TRPM7: variants seen among roughly 807,000 people sequenced by gnomAD.
TRPM7 encodes the protein LTRPC ion channel family member 7.
A neutral mutation model predicts 229.7 loss-of-function variants in TRPM7; 134 were observed. The observed-to-expected ratio is 0.58, with a 90% CI of 0.51 to 0.67. TRPM7 has a LOEUF of 0.67. Among genes scored for constraint, TRPM7 ranks in the 30% least tolerant of loss-of-function variants. The probability of loss-of-function intolerance (pLI) is 0.00; values close to 1 mark genes in which losing one functional copy is unlikely to be tolerated. For missense variants in TRPM7, 1,901 were observed against 2,210.0 expected, an observed-to-expected ratio of 0.86 and a Z score of 2.80; for synonymous variants, 699 against 715.2, an observed-to-expected ratio of 0.98 and a Z score of 0.36.
intron 21 of TRPM7, among the ~76,000 whole-genome samples, chr15:50,602,982 G>A (rs1029078022): frequency 6.6e-6 from 1 of 152,178 alleles, no homozygotes; most frequent in Non-Finnish European, 1.5e-5. Flanking sequence ...AACCTGGTAA[G>A]CATAAGAGCT....
At position 50,604,800 on chromosome 15, in the gene TRPM7, A is replaced by G; in HGVS notation, c.2988+66T>C. On this transcript the variant is annotated intron_variant, in intron 21 of 38. Transcript: ENST00000646667. ...CTGGCTCAAATAAAACTATGTTAAT[A>G]ACATTTTTGTGATTTTTTAAAAAAT... 4 of 1,427,698 alleles carry G rather than the reference A, an allele frequency of 2.8e-6. No individual in the cohort carries two copies. The South Asian group carries it at 4.4e-5, about 16-fold the overall frequency. The allele number at this position is 1,427,698 out of a possible 1,614,324, so 88.4% of individuals were successfully genotyped here.
At chr15:50,610,123 T>C (rs192143680) in intron 17 of TRPM7, among the ~76,000 whole-genome samples, 162 bp from the exon 18 acceptor site, 2 of 152,260 alleles carry the variant, frequency 1.3e-5, no homozygotes, top group East Asian at 1.9e-4. Context: ...ATTGATTTTT[T>C]ACTTATATAT....
At chr15:50,638,382 A>G (rs373748436) in intron 6 of TRPM7, among the ~76,000 whole-genome samples, 13,240 of 127,334 alleles carry the variant, frequency 0.1, 1,252 homozygotes, top group Admixed American at 0.19. Context: ...AAAAAAAAAA[A>G]AAAAAAAAAA....
chr15:50,578,614 C>T (rs117232184), intron 31 of TRPM7, 25 bp downstream of exon 31: 98 of 1,603,922 alleles, frequency 6.1e-5, no homozygotes, highest in Non-Finnish European at 7.8e-5. Flanking sequence ...ATTTTTTTCA[C>T]GTTCAATCTA....
intron 2 of TRPM7, among the ~76,000 whole-genome samples, chr15:50,658,076 C>A (rs1037111415): frequency 4.0e-5 from 6 of 150,592 alleles, no homozygotes; most frequent in Non-Finnish European, 8.8e-5. Context: ...GCAATCTCAG[C>A]TCACTGCAAG....
chr15:50,636,103 T>A (rs552684032), intron 7 of TRPM7, among the ~76,000 whole-genome samples: 1 of 150,804 alleles, frequency 6.6e-6, no homozygotes, highest in Admixed American at 6.6e-5. Context: ...GTGAAGAATA[T>A]GAATTTTTGC....
chr15:50,641,275 T>C (rs1478721495), intron 5 of TRPM7, among the ~76,000 whole-genome samples: 1 of 152,214 alleles, frequency 6.6e-6, no homozygotes, highest in Non-Finnish European at 1.5e-5. Flanking sequence ...CTAGTCACCA[T>C]GCTTCTCTAC....
At position 50,589,635 on chromosome 15, in the gene TRPM7, A is replaced by C; in HGVS notation, c.4346T>G (p.Leu1449Ter). ...AFVGHRDSMD[L>*]QRFKETSNKI... ...GTTTGATGTTTCTTTAAACCTCTGT[A>C]AATCCATGCTATCTCTGTGTCCTTT... Residue 1449 changes from leucine (L) to a stop codon, truncating the protein, a stop_gained, in exon 27 of 39, where the codon TTA becomes TGA. Transcript: ENST00000646667. LOFTEE classifies it high-confidence loss of function. 5 of 1,596,658 alleles carry C rather than the reference A, an allele frequency of 3.1e-6. No individual in the cohort carries two copies. Among genetic ancestry groups the C allele is most frequent in the Non-Finnish European group, 4.3e-6 (5 of 1,169,632 alleles).
At chr15:50,674,924 C>A (rs1160962580) in intron 1 of TRPM7, among the ~76,000 whole-genome samples, 4 of 152,158 alleles carry the variant, frequency 2.6e-5, no homozygotes, top group African/African-American at 9.7e-5. Context: ...TTCTCATTGG[C>A]AAATCCACCC....
chr15:50,574,566 A>T lies in TRPM7; in HGVS notation c.5102+71T>A, dbSNP rs2054045382. ...CAAAATGGATAATTAAATATTCAAC[A>T]TCAAAAATGAAGGTCAAAAGGGACT... is the stretch of plus-strand genomic sequence containing the variant. On this transcript the variant is annotated intron_variant, in intron 35 of 38. Transcript: ENST00000646667. The T allele has an allele frequency of 1.0e-5, 16 of 1,550,850 alleles. No homozygotes were observed. In the South Asian group the frequency reaches 1.9e-4, roughly 18 times the overall value.
intron 13 of TRPM7, among the ~76,000 whole-genome samples, chr15:50,617,011 C>G (rs1386827296): frequency 6.6e-6 from 1 of 151,990 alleles, no homozygotes; most frequent in Non-Finnish European, 1.5e-5. Context: ...CACATGCAGG[C>G]TGGGCGTAAT....
intron 13 of TRPM7, among the ~76,000 whole-genome samples, chr15:50,616,087 ATTAT>A (rs1477672835): frequency 3.9e-5 from 6 of 152,186 alleles, no homozygotes; most frequent in African/African-American, 1.4e-4. Flanking sequence ...ATTCTTCAAT[ATTAT>A]TTATTAAAAA....
intron 11 of TRPM7, among the ~76,000 whole-genome samples, chr15:50,625,133 T>C (rs748656061): frequency 8.5e-5 from 13 of 152,224 alleles, no homozygotes; most frequent in Non-Finnish European, 1.3e-4. Context: ...CACTGAGTTT[T>C]ATTAATAAAG....
At chr15:50,686,474 C>T in intron 1 of TRPM7, 57 bp downstream of exon 1, 1 of 1,614,148 alleles carries the variant, frequency 6.2e-7, no homozygotes, top group South Asian at 1.1e-5. Flanking sequence ...CAAGTCTCTC[C>T]TTTACCGCCC....
chr15:50,608,479 T>G (rs1002702956), intron 19 of TRPM7, among the ~76,000 whole-genome samples: 1 of 152,174 alleles, frequency 6.6e-6, no homozygotes, highest in Admixed American at 6.5e-5. Flanking sequence ...AAAGAGAAAT[T>G]CCTGTAGTCA....
chr15:50,560,048 T>C lies in TRPM7; in HGVS notation c.*1630A>G, dbSNP rs907214514. The stretch of plus-strand genomic sequence containing the variant: ...AAAAAAAAAAAAGTATAGCTACTAT[T>C]ATAATCCTGTGAAAATAATCAATAT... On this transcript the variant is annotated 3_prime_UTR_variant, in exon 39 of 39. Coordinates refer to ENST00000646667, the MANE Select transcript of TRPM7 (RefSeq NM_017672.6). 3 of 149,968 alleles carry C rather than the reference T, an allele frequency of 2.0e-5. No individual in the cohort carries two copies. The highest frequency in any genetic ancestry group is 2.0e-4 in the Admixed American group (3 of 15,050). 9.3% of individuals were successfully genotyped at this position (149,968 alleles called of 1,614,324 possible).
At chr15:50,585,860 A>ATTT (rs2059327828) in intron 28 of TRPM7, among the ~76,000 whole-genome samples, 1 of 152,236 alleles carries the variant, frequency 6.6e-6, no homozygotes, top group Admixed American at 6.5e-5. Flanking sequence ...AATTAATGGT[A>ATTT]CAAGGCAACA....
chr15:50,598,584 A>C (rs1419996279), intron 22 of TRPM7, among the ~76,000 whole-genome samples: 1 of 152,204 alleles, frequency 6.6e-6, no homozygotes, highest in African/African-American at 2.4e-5. Context: ...AATCATGGTA[A>C]TCCCATCCCC....
chr15:50,686,606 C>A lies in TRPM7; in HGVS notation c.-73G>T, dbSNP rs1365094423. The A allele has an allele frequency of 6.3e-7, 1 of 1,582,000 alleles. No homozygotes were observed. The highest frequency in any genetic ancestry group is 8.6e-7 in the Non-Finnish European group (1 of 1,165,388). ...TCCTCCGCGGCCTGTAGCCATCTATCGGGAAGCGTCTCCGGAGGCGGCAGC... is the reference window on the plus strand; with the variant it reads ...TCCTCCGCGGCCTGTAGCCATCTATAGGGAAGCGTCTCCGGAGGCGGCAGC... On this transcript the variant is annotated 5_prime_UTR_variant, in exon 1 of 39. Transcript: ENST00000646667.
Sources: allele counts gnomAD v4.1 joint callset (sites outside exome capture counted in the v4.1 genomes callset), GRCh38; gene constraint gnomAD v4.1.1; transcripts MANE v1.5; gene names NCBI Gene and HGNC (gene_info 2026-07-23, HGNC 2026-07-21).